Variants in SNTG1 observed in about 807,000 individuals in gnomAD.
SNTG1 encodes the protein syntrophin gamma 1.
In SNTG1, 39 loss-of-function variants were observed where a neutral mutation model predicts 74.7. The ratio of observed to expected loss-of-function variants is 0.52; its 90% CI spans 0.40 to 0.68. The LOEUF is 0.68. Among genes scored for constraint, SNTG1 ranks in the 30% least tolerant of loss-of-function variants. The probability of loss-of-function intolerance (pLI) is 0.00; values close to 1 mark genes in which losing one functional copy is unlikely to be tolerated. For missense variants in SNTG1, 685 were observed against 609.5 expected, an observed-to-expected ratio of 1.12 and a Z score of -1.30; for synonymous variants, 254 against 217.1, an observed-to-expected ratio of 1.17 and a Z score of -1.49.
intron 12 of SNTG1, among the ~76,000 whole-genome samples, chr8:50,566,134 T>C (rs2094515697): frequency 6.6e-6 from 1 of 151,982 alleles, no homozygotes; most frequent in African/African-American, 2.4e-5. Context: ...ATGATGGTAA[T>C]CATAGAAAAA....
chr8:50,690,301 G>A (rs2095372015), intron 15 of SNTG1, among the ~76,000 whole-genome samples: 2 of 152,066 alleles, frequency 1.3e-5, no homozygotes, highest in Admixed American at 6.5e-5. Context: ...TTTTGAATGT[G>A]TTTGCTCTTG....
At chr8:50,095,971 A>C (rs1454029823) in intron 1 of SNTG1, among the ~76,000 whole-genome samples, 1 of 152,084 alleles carries the variant, frequency 6.6e-6, no homozygotes. Context: ...CTTAATTATT[A>C]TTACCTGAAT....
chr8:50,495,538 A>G (rs751919317), intron 8 of SNTG1, among the ~76,000 whole-genome samples: 1 of 150,344 alleles, frequency 6.7e-6, no homozygotes, highest in Non-Finnish European at 1.5e-5. Context: ...TTAACCCACT[A>G]CTTCCAAAAG....
chr8:50,425,389 G>A (rs925114047), intron 4 of SNTG1, among the ~76,000 whole-genome samples: 9 of 152,060 alleles, frequency 5.9e-5, no homozygotes, highest in East Asian at 5.8e-4. Flanking sequence ...AATTGCACAC[G>A]CCAGGGATCT....
At chr8:49,939,671 A>G (rs1258998888) in intron 1 of SNTG1, among the ~76,000 whole-genome samples, 1 of 152,224 alleles carries the variant, frequency 6.6e-6, no homozygotes, top group Non-Finnish European at 1.5e-5. Flanking sequence ...GTAACAAGGC[A>G]TAAAATGACC....
intron 2 of SNTG1, among the ~76,000 whole-genome samples, chr8:50,193,046 A>G (rs2083633330): frequency 6.6e-6 from 1 of 152,038 alleles, no homozygotes; most frequent in Non-Finnish European, 1.5e-5. Flanking sequence ...TGTTTGGGTG[A>G]CTATGGCCTT....
intron 2 of SNTG1, among the ~76,000 whole-genome samples, chr8:50,343,713 G>A (rs2130951653): frequency 6.6e-6 from 1 of 152,224 alleles, no homozygotes; most frequent in Non-Finnish European, 1.5e-5. Context: ...TTACATTTAT[G>A]ATTCTTACGT....
chr8:50,299,724 G>C (rs1281361829), intron 2 of SNTG1, among the ~76,000 whole-genome samples: 1 of 152,058 alleles, frequency 6.6e-6, no homozygotes, highest in Non-Finnish European at 1.5e-5. Context: ...AACCTTGTCT[G>C]TACCATATTT....
Position 50,159,580 on chromosome 8 carries a change from T to C in SNTG1, c.-102-12981T>C, listed in dbSNP as rs76448205. On this transcript the variant is annotated intron_variant, in intron 1 of 18. Transcript: ENST00000642720. ...AAAGGAAAAAGCAAAATGTGAGTCT[T>C]TACTATTTTATCATGTTTATATAGA... Among the ~76,000 whole-genome samples, 169 of 152,336 alleles carry C rather than the reference T, an allele frequency of 1.1e-3. 3 individuals are homozygous for C. In the East Asian group the frequency reaches 0.031, roughly 28 times the overall value.
At chr8:50,541,954 A>G (rs559982280) in intron 11 of SNTG1, among the ~76,000 whole-genome samples, 4 of 151,794 alleles carry the variant, frequency 2.6e-5, no homozygotes, top group Admixed American at 6.6e-5. Flanking sequence ...TTCACTCAAT[A>G]TAATGACCTC....
chr8:50,069,305 T>A (rs1167149855), intron 1 of SNTG1, among the ~76,000 whole-genome samples: 1 of 152,136 alleles, frequency 6.6e-6, no homozygotes, highest in Non-Finnish European at 1.5e-5. Context: ...TTAGGAGTAT[T>A]TATATCACAA....
intron 13 of SNTG1, among the ~76,000 whole-genome samples, chr8:50,633,655 C>T (rs955572045): frequency 1.3e-5 from 2 of 152,182 alleles, no homozygotes; most frequent in African/African-American, 4.8e-5. Context: ...ACTAAAGTCT[C>T]TGTCTTTAAG....
chr8:50,003,431 C>T (rs762113753), intron 1 of SNTG1, among the ~76,000 whole-genome samples: 43 of 152,144 alleles, frequency 2.8e-4, no homozygotes, highest in African/African-American at 5.5e-4. Flanking sequence ...AAAATCTTCA[C>T]GGAAACTGGC....
intron 13 of SNTG1, among the ~76,000 whole-genome samples, chr8:50,591,120 A>C (rs2094689085): frequency 6.6e-6 from 1 of 152,136 alleles, no homozygotes; most frequent in African/African-American, 2.4e-5. Flanking sequence ...TACTTTAAAA[A>C]TGTTTATCTA....
chr8:50,132,034 T>C (rs184118715), intron 1 of SNTG1, among the ~76,000 whole-genome samples: 2 of 152,256 alleles, frequency 1.3e-5, no homozygotes, highest in East Asian at 1.9e-4. Flanking sequence ...TCCATCAGTC[T>C]ATTTTTCTGT....
At chr8:50,743,481 A>G (rs2095548325) in intron 17 of SNTG1, among the ~76,000 whole-genome samples, 1 of 151,842 alleles carries the variant, frequency 6.6e-6, no homozygotes, top group Non-Finnish European at 1.5e-5. Context: ...AACTTAATAA[A>G]CTAGGAATAG....
At chr8:50,670,369 A>C (rs1289012211) in intron 15 of SNTG1, among the ~76,000 whole-genome samples, 1 of 152,030 alleles carries the variant, frequency 6.6e-6, no homozygotes, top group East Asian at 1.9e-4. Flanking sequence ...TCAATATACA[A>C]AAATCACAAG....
chr8:50,246,892 T>C (rs1402969003), intron 2 of SNTG1, among the ~76,000 whole-genome samples: 4 of 152,190 alleles, frequency 2.6e-5, no homozygotes, highest in African/African-American at 9.6e-5. Context: ...CTTTGTCTTC[T>C]GGATTGAAAC....
intron 1 of SNTG1, among the ~76,000 whole-genome samples, chr8:50,037,721 A>G (rs16914213): frequency 0.033 from 4,997 of 152,318 alleles, 286 homozygotes; most frequent in African/African-American, 0.11. Context: ...AGTTACAAAC[A>G]TTGGGCTAGT....
Sources: gnomAD v4.1 joint callset for allele counts (sites outside exome capture counted in the v4.1 genomes callset) on GRCh38, gnomAD v4.1.1 for gene constraint, MANE v1.5 for transcripts, NCBI Gene and HGNC (gene_info 2026-07-23, HGNC 2026-07-21) for gene names.